SPAG9: variants seen among roughly 807,000 people sequenced by gnomAD.
SPAG9 encodes C-Jun-amino-terminal kinase-interacting protein 4.
In SPAG9, 35 loss-of-function variants were observed where a neutral mutation model predicts 166.5. The ratio of observed to expected loss-of-function variants is 0.21; its 90% CI spans 0.16 to 0.28. The LOEUF (loss-of-function observed/expected upper bound fraction) is 0.28, where lower values mean the gene tolerates loss of function less well. SPAG9 is among the 10% of genes least tolerant of loss of function. SPAG9 has a pLI of 1.00. For missense variants in SPAG9, 1,235 were observed against 1,603.3 expected (o/e 0.77, Z 3.92); for synonymous variants, 534 against 565.5 (o/e 0.94, Z 0.79).
Position 51,041,970 on chromosome 17 carries a change from T to C in SPAG9, c.591-319A>G, listed in dbSNP as rs563203671. ...GTCTGGAGAAGAGCTGCTGCTGGGT[T>C]TTTAACCATACGTAGCTTAGCCCTA... On this transcript the variant is annotated intron_variant, in intron 4 of 29. Coordinates refer to ENST00000262013, the MANE Select transcript of SPAG9 (RefSeq NM_001130528.3). 3.9e-5 allele frequency among the ~76,000 whole-genome samples: 6 copies of C among 152,200 alleles called. 1 individual carries two copies. Among genetic ancestry groups the C allele is most frequent in the Admixed American group, 3.9e-4 (6 of 15,278 alleles).
At chr17:51,119,628 T>TA (rs2049411486) in intron 1 of SPAG9, among the ~76,000 whole-genome samples, 1 of 152,166 alleles carries the variant, frequency 6.6e-6, no homozygotes, top group Non-Finnish European at 1.5e-5. Context: ...AACTGTCACC[T>TA]ACATCTTCCC....
At chr17:51,027,675 A>G (rs2046236902) in intron 6 of SPAG9, among the ~76,000 whole-genome samples, 2 of 152,206 alleles carry the variant, frequency 1.3e-5, no homozygotes, top group Admixed American at 1.3e-4. Flanking sequence ...CTAGTGTGTT[A>G]ACAAAACTAT....
chr17:51,026,403 C>T (rs117916637), intron 6 of SPAG9, among the ~76,000 whole-genome samples: 1,660 of 150,264 alleles, frequency 0.011, 13 homozygotes, highest in Middle Eastern at 0.041. Context: ...TCAGCAATCC[C>T]AAGGTTTCAG....
chr17:51,007,110 G>GGTGT (rs3075108), intron 10 of SPAG9, among the ~76,000 whole-genome samples, 159 bp downstream of exon 10: 1,834 of 145,962 alleles, frequency 0.013, 22 homozygotes, highest in African/African-American at 0.026. Context: ...CCAACATTAG[G>GGTGT]GTGTGTGTGT....
At chr17:51,087,993 C>T (rs377696012) in intron 1 of SPAG9, among the ~76,000 whole-genome samples, 1 of 152,194 alleles carries the variant, frequency 6.6e-6, no homozygotes, top group Non-Finnish European at 1.5e-5. Flanking sequence ...GATCCTCCTG[C>T]CTCAGCCTCC....
rs748151481 is a variant in SPAG9 at position 51,001,959 on chromosome 17, G to A, written c.1477-114C>T. The stretch of plus-strand genomic sequence containing the variant: ...TAAGCATTCCTTAATTTTTAATCTA[G>A]TAGATCATTTAAAGAAAAATGGCTT... On this transcript the variant is annotated intron_variant, in intron 12 of 29. Coordinates refer to ENST00000262013, the MANE Select transcript of SPAG9 (RefSeq NM_001130528.3). 4.4e-6 allele frequency: 4 copies of A among 914,146 alleles called. No individual in the cohort carries two copies. In the East Asian group the frequency reaches 1.1e-4, roughly 26 times the overall value. 56.6% of individuals were successfully genotyped at this position (914,146 alleles called of 1,614,324 possible).
rs376891664 is a variant in SPAG9, at chr17:50,985,487, CTCAA to C, written c.3020+207_3020+210del. ...TAAATAAATCGCAGTATGGTGAGGA[CTCAA>C]TCAAGCAAGTTATCCTTTCTACTTC... On this transcript the variant is annotated intron_variant, in intron 23 of 29. Coordinates refer to ENST00000262013, the MANE Select transcript of SPAG9 (RefSeq NM_001130528.3). Among the ~76,000 whole-genome samples, 530 of 152,272 alleles carry C rather than the reference CTCAA, an allele frequency of 3.5e-3. 1 individual carries two copies. The highest frequency in any genetic ancestry group is 7.8e-3 in the Admixed American group (119 of 15,298).
At chr17:51,056,214 G>A (rs572085114) in intron 3 of SPAG9, among the ~76,000 whole-genome samples, 198 bp downstream of exon 3, 9 of 152,238 alleles carry the variant, frequency 5.9e-5, no homozygotes, top group African/African-American at 2.2e-4. Context: ...TTCACCCCAT[G>A]AAAAGCTAAT....
intron 1 of SPAG9, among the ~76,000 whole-genome samples, chr17:51,084,969 G>A (rs999290800): frequency 6.6e-6 from 1 of 152,052 alleles, no homozygotes; most frequent in Non-Finnish European, 1.5e-5. Flanking sequence ...TCGTGTCTCA[G>A]CCTCCCGAGT....
At chr17:51,004,789 G>A (rs991462172) in intron 12 of SPAG9, among the ~76,000 whole-genome samples, 3 of 152,058 alleles carry the variant, frequency 2.0e-5, no homozygotes, top group Middle Eastern at 3.2e-3. Context: ...TTATTCTTCT[G>A]TACTTATGTT....
At position 51,037,689 on chromosome 17, in the gene SPAG9, T is replaced by TATATATATATATATATATA. The variant is rs1568028348; in HGVS notation, c.741+3811_741+3812insTATATATATATATATATAT. 5.9e-4 allele frequency among the ~76,000 whole-genome samples: 49 copies of TATATATATATATATATATA among 82,582 alleles called. 1 individual carries two copies. Among genetic ancestry groups the TATATATATATATATATATA allele is most frequent in the African/African-American group, 1.9e-3 (45 of 23,820 alleles). The allele number at this position is 82,582 out of a possible 152,430, so 54.2% of individuals were successfully genotyped here. ...TTTATATATATATATATATATAGTG[T>TATATATATATATATATATA]GTGTGTGTGTGTGTGTGTGTGTGTG... On this transcript the variant is annotated intron_variant, in intron 5 of 29. Coordinates refer to ENST00000262013, the MANE Select transcript of SPAG9 (RefSeq NM_001130528.3).
intron 1 of SPAG9, among the ~76,000 whole-genome samples, chr17:51,105,107 G>GATAA (rs200736089): frequency 0.014 from 2,105 of 151,404 alleles, 42 homozygotes; most frequent in African/African-American, 0.043. Flanking sequence ...AAAATAAATA[G>GATAA]ATAAATAAAT....
intron 1 of SPAG9, among the ~76,000 whole-genome samples, chr17:51,110,571 C>T (rs2049079096): frequency 6.6e-6 from 1 of 152,048 alleles, no homozygotes; most frequent in Non-Finnish European, 1.5e-5. Flanking sequence ...CACCTGTAGT[C>T]CCATCTACTT....
intron 1 of SPAG9, among the ~76,000 whole-genome samples, chr17:51,090,155 G>A (rs969817011): frequency 5.3e-5 from 8 of 152,106 alleles, no homozygotes; most frequent in African/African-American, 1.7e-4. Flanking sequence ...TTGAGTCGAT[G>A]TAAAGGTAAA....
rs779854960 is a variant in SPAG9 at position 50,989,718 on chromosome 17, T to A, written c.2772A>T (p.Gly924=). ...GGGAGAGGTCTTCTGGGATCTGAACTCCCAAAGGATCTGTAAAGACATGCT... is the reference window on the plus strand; with the variant it reads ...GGGAGAGGTCTTCTGGGATCTGAACACCCAAAGGATCTGTAAAGACATGCT... ...YTEHVFTDPL[G]VQIPEDLSPV... Residue 924 remains glycine, a synonymous_variant, in exon 21 of 30, where the codon GGA becomes GGT. Coordinates refer to ENST00000262013, the MANE Select transcript of SPAG9 (RefSeq NM_001130528.3). 4.3e-6 allele frequency: 7 copies of A among 1,614,044 alleles called. No homozygotes were observed. The highest frequency in any genetic ancestry group is 5.1e-6 in the Non-Finnish European group (6 of 1,180,040).
intron 28 of SPAG9, among the ~76,000 whole-genome samples, chr17:50,974,383 A>G (rs2143632240): frequency 6.6e-6 from 1 of 152,264 alleles, no homozygotes; most frequent in East Asian, 1.9e-4. Context: ...TTTTCCTATT[A>G]AGCTGCTAAA....
intron 6 of SPAG9, among the ~76,000 whole-genome samples, chr17:51,029,201 C>T (rs1598035952): frequency 6.6e-6 from 1 of 152,052 alleles, no homozygotes; most frequent in African/African-American, 2.4e-5. Flanking sequence ...AGATGTAACA[C>T]AAATGGCCAA....
chr17:51,075,650 C>T lies in SPAG9; in HGVS notation c.424+3934G>A, dbSNP rs546615726. 2.0e-5 allele frequency among the ~76,000 whole-genome samples: 3 copies of T among 152,104 alleles called. No homozygotes were observed. The South Asian group carries it at 6.2e-4, about 32-fold the overall frequency. ...ACCAGCTTGAACAACATAACAAGAC[C>T]CCATCTCTACAAAAAGTTTTAAAAT... On this transcript the variant is annotated intron_variant, in intron 2 of 29. Coordinates refer to ENST00000262013, the MANE Select transcript of SPAG9 (RefSeq NM_001130528.3).
chr17:50,979,351 G>T (rs1031398112), intron 26 of SPAG9, among the ~76,000 whole-genome samples: 11 of 137,714 alleles, frequency 8.0e-5, no homozygotes, highest in African/African-American at 2.7e-4. Flanking sequence ...CAGCCTAGGT[G>T]ACAGAGTGAG....
Sources: allele counts gnomAD v4.1 joint callset (sites outside exome capture counted in the v4.1 genomes callset), GRCh38; gene constraint gnomAD v4.1.1; transcripts MANE v1.5; gene names NCBI Gene and HGNC (gene_info 2026-07-23, HGNC 2026-07-21).